The following WWOX variants were observed in gnomAD, a reference collection of about 807,000 sequenced individuals.
The protein encoded by WWOX is WW domain containing oxidoreductase, also known as WW domain-containing oxidoreductase.
In WWOX, 69 loss-of-function variants were observed where a neutral mutation model predicts 46.2. The observed-to-expected ratio is 1.49, with a 90% CI of 1.23 to 1.82. The LOEUF is 1.82. Among genes scored for constraint, WWOX ranks in the 40% most tolerant of loss-of-function variants. WWOX has a pLI of 0.00. For synonymous variants in WWOX, 359 were observed against 202.6 expected (o/e 1.77, Z -6.56); for missense variants, 919 against 542.6 (o/e 1.69, Z -6.89).
chr16:79,149,424 C>G (rs1485809333), intron 8 of WWOX, among the ~76,000 whole-genome samples: 2 of 152,098 alleles, frequency 1.3e-5, no homozygotes, highest in African/African-American at 2.4e-5. Context: ...TTGTTGGATA[C>G]AGTTTGCTAA....
In WWOX at chr16:78,633,298, T is replaced by C. The variant is rs2046485255; in HGVS notation, c.1056+200546T>C. On this transcript the variant is annotated intron_variant, in intron 8 of 8. Coordinates refer to ENST00000566780, the MANE Select transcript of WWOX (RefSeq NM_016373.4). ...AAACAAAAAAACAAGAAGTTAAGGA[T>C]TGCAGAGCATAAGTATCTTCTATGG... Among the ~76,000 whole-genome samples the C allele has an allele frequency of 1.3e-5, 2 of 152,096 alleles. 1 individual carries two copies. Among genetic ancestry groups the C allele is most frequent in the South Asian group, 4.1e-4 (2 of 4,820 alleles).
chr16:78,730,063 T>C (rs190303224), intron 8 of WWOX, among the ~76,000 whole-genome samples: 147 of 152,316 alleles, frequency 9.7e-4, no homozygotes, highest in Non-Finnish European at 1.2e-4. Context: ...TATCCATTTT[T>C]TAGTTGTGTA....
intron 8 of WWOX, among the ~76,000 whole-genome samples, chr16:78,842,344 A>T (rs532055547): frequency 1.3e-5 from 2 of 151,874 alleles, no homozygotes; most frequent in Admixed American, 1.3e-4. Context: ...AAAAAAAAAA[A>T]AAAATTAAAT....
intron 8 of WWOX, among the ~76,000 whole-genome samples, chr16:79,014,000 A>G (rs1408449316): frequency 6.6e-6 from 1 of 152,156 alleles, no homozygotes; most frequent in Non-Finnish European, 1.5e-5. Flanking sequence ...TCCTTTTGTC[A>G]GTTGGCATGC....
At position 78,825,289 on chromosome 16, in the gene WWOX, G is replaced by A. The variant is rs528951514; in HGVS notation, c.1057-386319G>A. On this transcript the variant is annotated intron_variant, in intron 8 of 8. Transcript: ENST00000566780. Reference sequence around the variant, plus strand: ...TGGTGTGCAGCAGCATGATGGCCGCGCGAATTTCCAAGAAGAGGATGTTGG... The same window carrying A: ...TGGTGTGCAGCAGCATGATGGCCGCACGAATTTCCAAGAAGAGGATGTTGG... 71 of 282,006 alleles carry A rather than the reference G, an allele frequency of 2.5e-4. No homozygotes were observed. In the East Asian group the frequency reaches 4.9e-3, roughly 19 times the overall value. The allele number at this position is 282,006 out of a possible 1,614,324, so 17.5% of individuals were successfully genotyped here. A position where few individuals can be genotyped will look rare whatever the true frequency, so the allele number is the denominator to read the frequency against.
chr16:78,746,107 G>T (rs2049341742), intron 8 of WWOX, among the ~76,000 whole-genome samples: 1 of 152,212 alleles, frequency 6.6e-6, no homozygotes, highest in South Asian at 2.1e-4. Context: ...AAACCAGCAT[G>T]TGATTTGTCC....
intron 5 of WWOX, among the ~76,000 whole-genome samples, chr16:78,213,777 A>G (rs902820161): frequency 2.6e-5 from 4 of 152,196 alleles, no homozygotes; most frequent in Non-Finnish European, 5.9e-5. Context: ...CCAGGGAACT[A>G]GGTGACAACC....
chr16:79,055,901 A>C (rs552528146), intron 8 of WWOX, among the ~76,000 whole-genome samples: 2 of 152,334 alleles, frequency 1.3e-5, no homozygotes, highest in East Asian at 3.9e-4. Context: ...CTTTGGAAGC[A>C]GGGATAAGAA....
chr16:79,198,226 T>C (rs1421640446), intron 8 of WWOX, among the ~76,000 whole-genome samples: 2 of 151,952 alleles, frequency 1.3e-5, no homozygotes, highest in East Asian at 3.9e-4. Context: ...CAATCCCAGC[T>C]ACTCGGGAGG....
rs144750528 is a variant in WWOX, at chr16:78,705,434, G to A, written c.1056+272682G>A. On this transcript the variant is annotated intron_variant, in intron 8 of 8. Transcript: ENST00000566780. Reference sequence around the variant, plus strand: ...AAGGCGAAAGTGGCTGTAAAAATGCGTTGTGTTCCCAAGTGGAGGCTCCTT... The same window carrying A: ...AAGGCGAAAGTGGCTGTAAAAATGCATTGTGTTCCCAAGTGGAGGCTCCTT... Among the ~76,000 whole-genome samples the A allele has an allele frequency of 9.1e-3, 1,393 of 152,284 alleles. 11 individuals are homozygous for A. Among genetic ancestry groups the A allele is most frequent in the Non-Finnish European group, 0.016 (1,091 of 68,020 alleles).
chr16:78,192,499 A>G (rs2035914715), intron 5 of WWOX, among the ~76,000 whole-genome samples: 1 of 151,640 alleles, frequency 6.6e-6, no homozygotes, highest in African/African-American at 2.4e-5. Flanking sequence ...CTCAAAAAAA[A>G]AAAAAAAAAA....
intron 5 of WWOX, among the ~76,000 whole-genome samples, chr16:78,385,709 T>C (rs959368934): frequency 1.3e-5 from 2 of 152,180 alleles, no homozygotes; most frequent in Non-Finnish European, 2.9e-5. Flanking sequence ...TCCCCCTTCA[T>C]AGCCTTACAG....
chr16:79,184,732 A>G (rs2050979793), intron 8 of WWOX, among the ~76,000 whole-genome samples: 1 of 152,204 alleles, frequency 6.6e-6, no homozygotes, highest in South Asian at 2.1e-4. Context: ...GTCTAGGAAG[A>G]CAAATAGCCA....
chr16:79,137,968 A>C (rs1597408501), intron 8 of WWOX, among the ~76,000 whole-genome samples: 2 of 152,186 alleles, frequency 1.3e-5, no homozygotes, highest in South Asian at 4.1e-4. Flanking sequence ...TGGTAAAAAT[A>C]ATTCTAGATG....
At chr16:79,175,475 C>G (rs906761615) in intron 8 of WWOX, among the ~76,000 whole-genome samples, 3 of 152,198 alleles carry the variant, frequency 2.0e-5, no homozygotes, top group African/African-American at 7.2e-5. Flanking sequence ...GCAGGAATCA[C>G]GTGACAATCT....
At chr16:78,982,195 C>T (rs946737373) in intron 8 of WWOX, among the ~76,000 whole-genome samples, 1 of 152,200 alleles carries the variant, frequency 6.6e-6, no homozygotes, top group African/African-American at 2.4e-5. Flanking sequence ...CTCTTTCGTG[C>T]ACACACGCCT....
At chr16:78,495,125 T>G (rs906570891) in intron 8 of WWOX, among the ~76,000 whole-genome samples, 68 of 149,204 alleles carry the variant, frequency 4.6e-4, no homozygotes, top group Non-Finnish European at 7.8e-4. Context: ...ATAGAAAGAT[T>G]AGTAGTAGAC....
At chr16:78,262,716 C>G (rs1245904323) in intron 5 of WWOX, among the ~76,000 whole-genome samples, 1 of 152,162 alleles carries the variant, frequency 6.6e-6, no homozygotes, top group African/African-American at 2.4e-5. Context: ...CCTGCCCTAC[C>G]TAAGGTCCCA....
chr16:78,172,432 G>C (rs1404001082), intron 5 of WWOX, among the ~76,000 whole-genome samples: 1 of 152,102 alleles, frequency 6.6e-6, no homozygotes, highest in Admixed American at 6.6e-5. Flanking sequence ...ATAATCGGTT[G>C]CTAAAATATT....
Sources: gnomAD v4.1 joint callset for allele counts (sites outside exome capture counted in the v4.1 genomes callset) on GRCh38, gnomAD v4.1.1 for gene constraint, MANE v1.5 for transcripts, NCBI Gene and HGNC (gene_info 2026-07-23, HGNC 2026-07-21) for gene names.